Variants in FILIP1 observed in about 807,000 individuals in gnomAD.
FILIP1 encodes filamin-A-interacting protein 1.
In FILIP1, 61 loss-of-function variants were observed where a neutral mutation model predicts 102.1. The observed-to-expected ratio is 0.60, with a 90% confidence interval of 0.49 to 0.74. FILIP1 has a LOEUF of 0.74. Ranked by LOEUF, FILIP1 falls within the 30% of genes least tolerant of loss-of-function variation. The probability of loss-of-function intolerance (pLI) is 0.00; values close to 1 mark genes in which losing one functional copy is unlikely to be tolerated. For synonymous variants in FILIP1, 491 were observed against 526.9 expected (o/e 0.93, Z 0.93); for missense variants, 1,314 against 1,441.2 (o/e 0.91, Z 1.43).
intron 4 of FILIP1, among the ~76,000 whole-genome samples, chr6:75,351,000 C>A (rs1270621488): frequency 6.6e-6 from 1 of 152,124 alleles, no homozygotes; most frequent in Non-Finnish European, 1.5e-5. Flanking sequence ...ACACTTCTGT[C>A]AACAAGGGAC....
intron 4 of FILIP1, among the ~76,000 whole-genome samples, chr6:75,332,681 T>C (rs138701638): frequency 7.9e-5 from 12 of 152,280 alleles, no homozygotes; most frequent in Non-Finnish European, 1.5e-4. Flanking sequence ...TAGAAGCAGG[T>C]AGGTTTTTCA....
intron 1 of FILIP1, among the ~76,000 whole-genome samples, chr6:75,453,055 C>T (rs535824815): frequency 6.6e-5 from 10 of 152,272 alleles, no homozygotes; most frequent in South Asian, 2.1e-4. Flanking sequence ...CTGCAGATGA[C>T]GCAGCAGTCT....
intron 1 of FILIP1, among the ~76,000 whole-genome samples, chr6:75,432,165 C>T (rs920118426): frequency 7.9e-5 from 12 of 152,134 alleles, no homozygotes; most frequent in Admixed American, 6.6e-4. Context: ...ATACCATACC[C>T]TACATATGAA....
At chr6:75,320,922 A>T (rs1773631800) in intron 4 of FILIP1, among the ~76,000 whole-genome samples, 1 of 152,242 alleles carries the variant, frequency 6.6e-6, no homozygotes, top group Non-Finnish European at 1.5e-5. Context: ...GAGGCTGAAC[A>T]ACCTCTATTT....
chr6:75,304,070 AAT>A (rs1173701951), downstream of FILIP1, among the ~76,000 whole-genome samples: 1 of 152,052 alleles, frequency 6.6e-6, no homozygotes, highest in Admixed American at 6.6e-5. Context: ...CATTTGGAAA[AAT>A]ATATATATAG....
At chr6:75,465,504 G>C in intron 1 of FILIP1, 3 of 897,970 alleles carry the variant, frequency 3.3e-6, no homozygotes, top group Non-Finnish European at 5.3e-6. Context: ...AAGAGCTTCA[G>C]TGCCTAATAA....
At chr6:75,470,674 A>G (rs1007736387) in intron 1 of FILIP1, among the ~76,000 whole-genome samples, 22 of 152,208 alleles carry the variant, frequency 1.4e-4, no homozygotes, top group Admixed American at 5.9e-4. Flanking sequence ...TTTCAAATCA[A>G]TGAGACTAAC....
chr6:75,450,341 C>T (rs1399272209), intron 1 of FILIP1, among the ~76,000 whole-genome samples: 1 of 151,900 alleles, frequency 6.6e-6, no homozygotes, highest in African/African-American at 2.4e-5. Context: ...ATAAGAATAC[C>T]AATAAATTAT....
In FILIP1 at chr6:75,387,848, G is replaced by A. The variant is rs904419085; in HGVS notation, c.277-24931C>T. On this transcript the variant is annotated intron_variant, in intron 2 of 5. Transcript: ENST00000237172. ...TCTGTAGGTTGCCTGTTCACTCTGA[G>A]GATAGTTTCTTTTGCTGTGCAGAAG... Among the ~76,000 whole-genome samples the A allele has an allele frequency of 4.6e-5, 7 of 152,018 alleles. No individual in the cohort carries two copies. The East Asian group carries it at 1.4e-3, about 29-fold the overall frequency.
At position 75,421,006 on chromosome 6, in the gene FILIP1, A is replaced by C. The variant is rs1777444615; in HGVS notation, c.-6-6028T>G. On this transcript the variant is annotated intron_variant, in intron 1 of 5. Transcript: ENST00000237172. ...GATAAAATATAATTAGAAAGGAGAA[A>C]TATTTAGATACACTTGTTGTTAACA... Among the ~76,000 whole-genome samples, 5 of 152,342 alleles carry C rather than the reference A, an allele frequency of 3.3e-5. 1 individual carries two copies. In the South Asian group the frequency reaches 8.3e-4, roughly 25 times the overall value.
At chr6:75,340,798 C>A (rs1357374211) in intron 4 of FILIP1, among the ~76,000 whole-genome samples, 2 of 150,414 alleles carry the variant, frequency 1.3e-5, no homozygotes, top group East Asian at 2.0e-4. Flanking sequence ...CGGGTTCAAG[C>A]AATTCTCCTA....
At chr6:75,440,810 G>A (rs1213612356) in intron 1 of FILIP1, among the ~76,000 whole-genome samples, 1 of 152,086 alleles carries the variant, frequency 6.6e-6, no homozygotes, top group Non-Finnish European at 1.5e-5. Flanking sequence ...TTAGCCGGGC[G>A]TGGTGGCACA....
At chr6:75,448,866 T>C (rs1778524834) in intron 1 of FILIP1, among the ~76,000 whole-genome samples, 1 of 152,146 alleles carries the variant, frequency 6.6e-6, no homozygotes, top group African/African-American at 2.4e-5. Flanking sequence ...TGGGATACAC[T>C]GTTGGTAGGA....
chr6:75,323,942 C>G (rs1036813903), intron 4 of FILIP1, among the ~76,000 whole-genome samples: 3 of 152,200 alleles, frequency 2.0e-5, no homozygotes, highest in African/African-American at 7.2e-5. Context: ...GAAGAAGGTA[C>G]TTAACTTCTC....
intron 1 of FILIP1, among the ~76,000 whole-genome samples, chr6:75,461,283 G>C (rs1779015781): frequency 6.6e-6 from 1 of 152,204 alleles, no homozygotes; most frequent in Admixed American, 6.5e-5. Context: ...GCAGAGAGAA[G>C]TTAAGTAACT....
chr6:75,450,313 G>A (rs1345979333), intron 1 of FILIP1, among the ~76,000 whole-genome samples: 6 of 152,170 alleles, frequency 3.9e-5, no homozygotes, highest in African/African-American at 1.4e-4. Context: ...TGTTCTACAA[G>A]TATTCTGTGA....
At chr6:75,450,169 G>T (rs2149733914) in intron 1 of FILIP1, among the ~76,000 whole-genome samples, 1 of 152,186 alleles carries the variant, frequency 6.6e-6, no homozygotes, top group East Asian at 1.9e-4. Flanking sequence ...CGGGTGGAGG[G>T]ATCTTGCTAT....
intron 1 of FILIP1, among the ~76,000 whole-genome samples, chr6:75,452,621 G>C (rs1449511011): frequency 1.3e-5 from 2 of 152,028 alleles, no homozygotes; most frequent in Non-Finnish European, 2.9e-5. Flanking sequence ...AATAAGTTAT[G>C]GTTTATTCAC....
chr6:75,362,045 T>G (rs1280114339), intron 3 of FILIP1: 1 of 152,260 alleles, frequency 6.6e-6, no homozygotes, highest in Non-Finnish European at 1.5e-5. Context: ...ATTTCTGTTC[T>G]CTTTTTTCAT....
Sources: allele counts gnomAD v4.1 joint callset (sites outside exome capture counted in the v4.1 genomes callset), GRCh38; gene constraint gnomAD v4.1.1; transcripts MANE v1.5; gene names NCBI Gene and HGNC (gene_info 2026-07-23, HGNC 2026-07-21).